The following NUMB variants were observed in gnomAD, a reference collection of about 807,000 sequenced individuals.
The protein encoded by NUMB is protein numb homolog.
In NUMB, 29 loss-of-function variants were observed where a neutral mutation model predicts 59.7. That is an observed-to-expected ratio of 0.49 (90% CI 0.36 to 0.66). The LOEUF (loss-of-function observed/expected upper bound fraction) is 0.66, where lower values mean the gene tolerates loss of function less well. Among genes scored for constraint, NUMB ranks in the 30% least tolerant of loss-of-function variants. The probability of loss-of-function intolerance (pLI) is 0.00; values close to 1 mark genes in which losing one functional copy is unlikely to be tolerated. For missense variants in NUMB, 723 were observed against 822.0 expected, an observed-to-expected ratio of 0.88 and a Z score of 1.47; for synonymous variants, 288 against 288.2, an observed-to-expected ratio of 1.00 and a Z score of 0.01.
intron 2 of NUMB, among the ~76,000 whole-genome samples, chr14:73,377,765 G>C (rs1293292148): frequency 6.6e-6 from 1 of 152,176 alleles, no homozygotes; most frequent in South Asian, 2.1e-4. Context: ...TCAGGAGTTC[G>C]AGACCAGCCT....
chr14:73,336,415 T>C (rs189959480), intron 4 of NUMB, among the ~76,000 whole-genome samples: 1 of 152,332 alleles, frequency 6.6e-6, no homozygotes, highest in East Asian at 1.9e-4. Context: ...TAATCAGCTA[T>C]TGCGTGCCTT....
chr14:73,367,217 T>C (rs1199156446), intron 2 of NUMB, among the ~76,000 whole-genome samples: 1 of 150,456 alleles, frequency 6.6e-6, no homozygotes, highest in Non-Finnish European at 1.5e-5. Context: ...ACGTGACAAA[T>C]AATTCCCCTA....
At chr14:73,352,761 C>A (rs1040117436) in intron 4 of NUMB, among the ~76,000 whole-genome samples, 1 of 145,300 alleles carries the variant, frequency 6.9e-6, no homozygotes, top group Non-Finnish European at 1.5e-5. Flanking sequence ...CCAGGATGGT[C>A]TCAATCTCCT....
At chr14:73,302,418 T>C (rs1218133625) in intron 6 of NUMB, among the ~76,000 whole-genome samples, 1 of 145,768 alleles carries the variant, frequency 6.9e-6, no homozygotes, top group African/African-American at 2.7e-5. Context: ...TTTTTTTTTT[T>C]TTTTTTTGAG....
chr14:73,449,264 T>C (rs563271463), intron 1 of NUMB, among the ~76,000 whole-genome samples: 1 of 152,136 alleles, frequency 6.6e-6, no homozygotes, highest in African/African-American at 2.4e-5. Context: ...CACCATCTTA[T>C]ATAAGTGACC....
At chr14:73,345,916 A>C (rs555100142) in intron 4 of NUMB, among the ~76,000 whole-genome samples, 1 of 152,266 alleles carries the variant, frequency 6.6e-6, no homozygotes, top group Non-Finnish European at 1.5e-5. Flanking sequence ...CTCAAAAAAA[A>C]ACCAAAAAAA....
intron 2 of NUMB, among the ~76,000 whole-genome samples, chr14:73,368,043 T>C (rs1300107532): frequency 7.5e-6 from 1 of 134,132 alleles, no homozygotes; most frequent in Non-Finnish European, 1.6e-5. Flanking sequence ...TGCAAAGTGT[T>C]TAAAAAAAAA....
chr14:73,429,763 T>C (rs755914389), intron 1 of NUMB, among the ~76,000 whole-genome samples: 1 of 152,020 alleles, frequency 6.6e-6, no homozygotes, highest in Non-Finnish European at 1.5e-5. Flanking sequence ...GCCAACATGG[T>C]GAAACCCCGT....
intron 7 of NUMB, among the ~76,000 whole-genome samples, chr14:73,293,529 C>A (rs983807496): frequency 6.6e-6 from 1 of 151,380 alleles, no homozygotes; most frequent in Non-Finnish European, 1.5e-5. Context: ...GCAGCTGGGA[C>A]TACAGGCGTG....
At chr14:73,443,595 C>CAA (rs553400027) in intron 1 of NUMB, among the ~76,000 whole-genome samples, 79 of 76,808 alleles carry the variant, frequency 1.0e-3, no homozygotes, top group African/African-American at 3.1e-3. Context: ...AACTCCATCT[C>CAA]AAAAAAAAAA....
intron 4 of NUMB, among the ~76,000 whole-genome samples, chr14:73,327,881 T>C (rs1415262130): frequency 4.6e-5 from 7 of 152,148 alleles, no homozygotes; most frequent in Admixed American, 4.6e-4. Flanking sequence ...TGATGCCCAT[T>C]TGTAATCAAC....
chr14:73,291,629 C>T (rs543147742), intron 8 of NUMB, among the ~76,000 whole-genome samples: 4 of 152,090 alleles, frequency 2.6e-5, no homozygotes, highest in East Asian at 1.9e-4. Context: ...CTGCCTACCT[C>T]GGCCTCCCAA....
chr14:73,310,403 G>T (rs781517666), intron 6 of NUMB, among the ~76,000 whole-genome samples: 5 of 152,200 alleles, frequency 3.3e-5, no homozygotes, highest in African/African-American at 1.2e-4. Flanking sequence ...TAAACTGTGT[G>T]CAGGCCATAC....
intron 1 of NUMB, among the ~76,000 whole-genome samples, chr14:73,444,073 C>A (rs990037548): frequency 1.3e-5 from 2 of 152,012 alleles, no homozygotes; most frequent in South Asian, 2.1e-4. Context: ...TTGCCCGGGC[C>A]GAGAGCTTTT....
At chr14:73,362,992 A>T (rs1309754208) in intron 3 of NUMB, among the ~76,000 whole-genome samples, 1 of 151,560 alleles carries the variant, frequency 6.6e-6, no homozygotes, top group Non-Finnish European at 1.5e-5. Context: ...CTATTAAAAA[A>T]AGAAAAATTT....
At chr14:73,340,397 C>T (rs1357280584) in intron 4 of NUMB, among the ~76,000 whole-genome samples, 1 of 152,192 alleles carries the variant, frequency 6.6e-6, no homozygotes. Flanking sequence ...GGCCCAGTGG[C>T]TGTTTACCTC....
intron 1 of NUMB, among the ~76,000 whole-genome samples, chr14:73,426,882 C>T (rs1298947933): frequency 2.0e-5 from 3 of 151,900 alleles, no homozygotes; most frequent in East Asian, 3.9e-4. Context: ...GGCATGGTGG[C>T]ACATGCCTAT....
intron 2 of NUMB, among the ~76,000 whole-genome samples, chr14:73,401,027 C>T (rs555584447): frequency 9.2e-5 from 14 of 152,296 alleles, no homozygotes; most frequent in Admixed American, 5.2e-4. Flanking sequence ...AAGCACAGGA[C>T]ACAACGTGGG....
intron 1 of NUMB, chr14:73,457,805 G>A (rs973736470): frequency 1.3e-5 from 2 of 152,410 alleles, no homozygotes; most frequent in South Asian, 2.1e-4. Context: ...ACCCTCCGAA[G>A]ACCTGCTGCT....
Sources: allele counts gnomAD v4.1 joint callset (sites outside exome capture counted in the v4.1 genomes callset), GRCh38; gene constraint gnomAD v4.1.1; transcripts MANE v1.5; gene names NCBI Gene and HGNC (gene_info 2026-07-23, HGNC 2026-07-21).